The following TRPC4 variants were observed in gnomAD, a reference collection of about 807,000 sequenced individuals.
TRPC4 encodes transient receptor potential cation channel subfamily C member 4, also known as short transient receptor potential channel 4.
In TRPC4, 49 loss-of-function variants were observed where a neutral mutation model predicts 99.4. The ratio of observed to expected loss-of-function variants is 0.49; its 90% CI spans 0.39 to 0.63. The LOEUF (loss-of-function observed/expected upper bound fraction) is 0.63. TRPC4 is among the 20% of genes least tolerant of loss of function. The probability of loss-of-function intolerance (pLI) is 0.00; values close to 1 mark genes in which losing one functional copy is unlikely to be tolerated. For missense variants in TRPC4, 898 were observed against 1,152.9 expected, an observed-to-expected ratio of 0.78 and a Z score of 3.20; for synonymous variants, 454 against 425.9, an observed-to-expected ratio of 1.07 and a Z score of -0.81.
chr13:37,821,367 A>G (rs1339040260), intron 1 of TRPC4, among the ~76,000 whole-genome samples: 1 of 152,160 alleles, frequency 6.6e-6, no homozygotes, highest in Non-Finnish European at 1.5e-5. Context: ...AATAATCAAT[A>G]TTGTTAAAAT....
intron 3 of TRPC4, among the ~76,000 whole-genome samples, chr13:37,711,848 A>G (rs2138988326): frequency 6.6e-6 from 1 of 152,224 alleles, no homozygotes; most frequent in East Asian, 1.9e-4. Flanking sequence ...AAGTAGAAAT[A>G]GGTAAAATTA....
chr13:37,852,053 G>A (rs1959072768), intron 1 of TRPC4, among the ~76,000 whole-genome samples: 1 of 152,128 alleles, frequency 6.6e-6, no homozygotes, highest in Non-Finnish European at 1.5e-5. Flanking sequence ...AAATGTGAAA[G>A]GCAGTCTAGA....
At chr13:37,829,514 T>C (rs1044160842) in intron 1 of TRPC4, among the ~76,000 whole-genome samples, 8 of 152,236 alleles carry the variant, frequency 5.3e-5, no homozygotes, top group Non-Finnish European at 1.0e-4. Flanking sequence ...AATGGGAATC[T>C]TTGTGCATTG....
At chr13:37,757,445 A>G (rs1192475491) in intron 2 of TRPC4, among the ~76,000 whole-genome samples, 3 of 152,120 alleles carry the variant, frequency 2.0e-5, no homozygotes, top group African/African-American at 7.2e-5. Flanking sequence ...CTTGGAAGAC[A>G]AATACAATTT....
At chr13:37,740,656 T>G (rs1047518383) in intron 3 of TRPC4, among the ~76,000 whole-genome samples, 2 of 152,296 alleles carry the variant, frequency 1.3e-5, no homozygotes, top group African/African-American at 2.4e-5. Flanking sequence ...TGTCCCTACA[T>G]TCTCCCCACC....
intron 1 of TRPC4, among the ~76,000 whole-genome samples, chr13:37,789,877 G>A (rs755173241): frequency 1.3e-5 from 2 of 152,006 alleles, no homozygotes; most frequent in Non-Finnish European, 2.9e-5. Flanking sequence ...GATGTTTACA[G>A]GGGAATATAA....
At chr13:37,786,150 C>T (rs1406763877) in intron 1 of TRPC4, among the ~76,000 whole-genome samples, 3 of 151,922 alleles carry the variant, frequency 2.0e-5, no homozygotes, top group Non-Finnish European at 4.4e-5. Flanking sequence ...CTCTTTCAAT[C>T]TCTTGGATTT....
At chr13:37,704,238 G>A (rs1954195824) in intron 3 of TRPC4, among the ~76,000 whole-genome samples, 1 of 152,206 alleles carries the variant, frequency 6.6e-6, no homozygotes, top group South Asian at 2.1e-4. Context: ...AATTATAAAA[G>A]AGCAGAAGGT....
chr13:37,785,699 T>A (rs1593738608), intron 1 of TRPC4, among the ~76,000 whole-genome samples: 1 of 152,162 alleles, frequency 6.6e-6, no homozygotes, highest in East Asian at 1.9e-4. Flanking sequence ...ATTTATTTTA[T>A]TTTTTCATTT....
intron 1 of TRPC4, among the ~76,000 whole-genome samples, chr13:37,845,158 G>A (rs1456748344): frequency 6.6e-6 from 1 of 152,156 alleles, no homozygotes; most frequent in African/African-American, 2.4e-5. Flanking sequence ...GCTACAAGCT[G>A]TCTCATCTAG....
intron 1 of TRPC4, among the ~76,000 whole-genome samples, chr13:37,804,558 T>C (rs1389430372): frequency 6.6e-6 from 1 of 152,172 alleles, no homozygotes; most frequent in Non-Finnish European, 1.5e-5. Context: ...AAGGTTTTTA[T>C]TGTATTTTAT....
At chr13:37,741,454 T>A (rs1225625499) in intron 3 of TRPC4, among the ~76,000 whole-genome samples, 1 of 152,202 alleles carries the variant, frequency 6.6e-6, no homozygotes, top group African/African-American at 2.4e-5. Context: ...TTGTTTCCAG[T>A]TTCCTTTGTT....
At chr13:37,729,743 C>A (rs182372314) in intron 3 of TRPC4, among the ~76,000 whole-genome samples, 6 of 151,948 alleles carry the variant, frequency 3.9e-5, no homozygotes, top group Admixed American at 6.6e-5. Flanking sequence ...CAGACAAAGG[C>A]AAATATATAA....
Position 37,688,572 on chromosome 13 carries a change from C to A in TRPC4, c.1234+3427G>T, listed in dbSNP as rs192107284. On this transcript the variant is annotated intron_variant, in intron 4 of 10. Transcript: ENST00000379705. ...ATATAAATATATAAAACAAATAAGT[C>A]AAAAGTGTTTTGCTAGGATAAACAA... is the stretch of plus-strand genomic sequence containing the variant. 3.3e-5 allele frequency among the ~76,000 whole-genome samples: 5 copies of A among 152,132 alleles called. No homozygotes were observed. The East Asian group carries it at 9.7e-4, about 29-fold the overall frequency.
intron 4 of TRPC4, among the ~76,000 whole-genome samples, chr13:37,683,093 A>G (rs1381869260): frequency 3.9e-5 from 6 of 152,064 alleles, no homozygotes; most frequent in African/African-American, 1.4e-4. Flanking sequence ...GCTAAAAGGG[A>G]ATACCAGAAG....
intron 7 of TRPC4, among the ~76,000 whole-genome samples, chr13:37,654,189 CA>C (rs542269466): frequency 2.0e-5 from 3 of 151,674 alleles, no homozygotes; most frequent in South Asian, 2.1e-4. Flanking sequence ...TTTTGCTTGA[CA>C]AAAAAACAGT....
chr13:37,826,838 AG>A (rs1405580347), intron 1 of TRPC4, among the ~76,000 whole-genome samples: 2 of 152,102 alleles, frequency 1.3e-5, no homozygotes, highest in African/African-American at 2.4e-5. Flanking sequence ...AGATTGGGGA[AG>A]TTCTCCTGGA....
At chr13:37,867,698 A>C (rs565495528) in intron 1 of TRPC4, among the ~76,000 whole-genome samples, 1 of 152,242 alleles carries the variant, frequency 6.6e-6, no homozygotes, top group South Asian at 2.1e-4. Context: ...AGTTTATAAC[A>C]ACATCTAGTT....
At chr13:37,835,707 C>G (rs1305672539) in intron 1 of TRPC4, among the ~76,000 whole-genome samples, 1 of 152,128 alleles carries the variant, frequency 6.6e-6, no homozygotes, top group Admixed American at 6.5e-5. Context: ...TGTTTTGTAT[C>G]CTAGCTATTC....
Sources: allele counts gnomAD v4.1 joint callset (sites outside exome capture counted in the v4.1 genomes callset), GRCh38; gene constraint gnomAD v4.1.1; transcripts MANE v1.5; gene names NCBI Gene and HGNC (gene_info 2026-07-23, HGNC 2026-07-21).